Variants in ABI1 observed in about 807,000 individuals in gnomAD.
ABI1 encodes Abelson interactor 1.
In ABI1, 14 loss-of-function variants were observed where a neutral mutation model predicts 54.6. The ratio of observed to expected loss-of-function variants is 0.26; its 90% CI spans 0.17 to 0.40. The LOEUF is 0.40. Among genes scored for constraint, ABI1 ranks in the 10% least tolerant of loss-of-function variants. The pLI is 1.00. For missense variants in ABI1, 443 were observed against 598.3 expected (o/e 0.74, Z 2.71); for synonymous variants, 194 against 209.3 (o/e 0.93, Z 0.63).
chr10:26,773,395 T>C (rs1329293272), intron 3 of ABI1, among the ~76,000 whole-genome samples: 1 of 151,338 alleles, frequency 6.6e-6, no homozygotes, highest in African/African-American at 2.4e-5. Context: ...AGACGGGGTT[T>C]CACCATGTTG....
At chr10:26,809,130 C>T (rs535409192) in intron 2 of ABI1, among the ~76,000 whole-genome samples, 20 of 152,002 alleles carry the variant, frequency 1.3e-4, no homozygotes, top group Admixed American at 2.6e-4. Flanking sequence ...ATTAGCCGAG[C>T]ATGGTGGTGG....
intron 1 of ABI1, among the ~76,000 whole-genome samples, chr10:26,844,791 T>G (rs2049848275): frequency 6.6e-6 from 1 of 152,240 alleles, no homozygotes. Context: ...GTTCTCCTTT[T>G]CCCGCAGCCA....
chr10:26,773,637 A>C (rs1841023912), intron 3 of ABI1, among the ~76,000 whole-genome samples: 1 of 152,190 alleles, frequency 6.6e-6, no homozygotes, highest in Non-Finnish European at 1.5e-5. Context: ...TCAGAAAGCC[A>C]TTAGGCTGAG....
At chr10:26,805,350 T>C in intron 2 of ABI1, among the ~76,000 whole-genome samples, 1 of 151,232 alleles carries the variant, frequency 6.6e-6, no homozygotes, top group Non-Finnish European at 1.5e-5. Flanking sequence ...GAACATGAAA[T>C]TTGGAAGGAG....
At chr10:26,837,018 G>A (rs570479245) in intron 1 of ABI1, among the ~76,000 whole-genome samples, 1 of 152,146 alleles carries the variant, frequency 6.6e-6, no homozygotes, top group Admixed American at 6.5e-5. Flanking sequence ...TTCTAAACTA[G>A]TCCAGTAATT....
chr10:26,770,406 AC>A, intron 4 of ABI1, 61 bp from the exon 5 acceptor site: 1 of 1,421,160 alleles, frequency 7.0e-7, no homozygotes, highest in Non-Finnish European at 9.9e-7. Flanking sequence ...GTGTTTTAAC[AC>A]CATGTATTAT....
intron 2 of ABI1, among the ~76,000 whole-genome samples, chr10:26,805,085 AAC>A (rs1564521517): frequency 6.6e-6 from 1 of 152,210 alleles, no homozygotes; most frequent in Non-Finnish European, 1.5e-5. Flanking sequence ...AGGTAAGACA[AAC>A]ACATAATTGG....
intron 1 of ABI1, among the ~76,000 whole-genome samples, chr10:26,855,999 A>T (rs2050776690): frequency 7.5e-6 from 1 of 133,092 alleles, no homozygotes; most frequent in South Asian, 2.4e-4. Flanking sequence ...AAAGAACCCC[A>T]TTCTGGGCTG....
At chr10:26,847,272 T>C (rs113610758) in intron 1 of ABI1, among the ~76,000 whole-genome samples, 34 of 152,178 alleles carry the variant, frequency 2.2e-4, no homozygotes, top group African/African-American at 8.2e-4. Flanking sequence ...TATGGTATTA[T>C]CTGATTATTC....
intron 2 of ABI1, among the ~76,000 whole-genome samples, chr10:26,818,987 C>T (rs1008392194): frequency 6.6e-5 from 10 of 152,162 alleles, no homozygotes; most frequent in African/African-American, 1.4e-4. Context: ...AGCGAGACTC[C>T]GTCTCAATAA....
intron 2 of ABI1, among the ~76,000 whole-genome samples, chr10:26,791,809 T>C (rs1011508673): frequency 4.6e-5 from 7 of 152,136 alleles, no homozygotes; most frequent in Non-Finnish European, 7.4e-5. Context: ...ACACTGAAAA[T>C]GGATCCCTAC....
chr10:26,807,988 A>T (rs2046982386), intron 2 of ABI1, among the ~76,000 whole-genome samples: 1 of 152,124 alleles, frequency 6.6e-6, no homozygotes, highest in Admixed American at 6.5e-5. Context: ...GCTACTCGGG[A>T]GGCTGGGGCA....
chr10:26,809,622 TA>T (rs1327233622), intron 2 of ABI1, among the ~76,000 whole-genome samples: 4 of 151,886 alleles, frequency 2.6e-5, no homozygotes, highest in Non-Finnish European at 4.4e-5. Flanking sequence ...CATTTTCACA[TA>T]AAAAAGGGGG....
At chr10:26,857,520 G>A (rs1272795598) in intron 1 of ABI1, among the ~76,000 whole-genome samples, 2 of 151,232 alleles carry the variant, frequency 1.3e-5, no homozygotes, top group Non-Finnish European at 2.9e-5. Context: ...GTGCGCACCT[G>A]TAGTCCCAGC....
intron 2 of ABI1, among the ~76,000 whole-genome samples, chr10:26,804,692 C>A (rs1195422068): frequency 6.6e-6 from 1 of 152,148 alleles, no homozygotes; most frequent in Non-Finnish European, 1.5e-5. Flanking sequence ...AAGGTTAGCA[C>A]TATTGTCCAA....
At chr10:26,784,478 G>A (rs1842490553) in intron 2 of ABI1, among the ~76,000 whole-genome samples, 1 of 152,084 alleles carries the variant, frequency 6.6e-6, no homozygotes, top group Non-Finnish European at 1.5e-5. Context: ...CAGCCATCAG[G>A]GAGGCCACAT....
chr10:26,825,548 C>T (rs1464972851), intron 1 of ABI1, among the ~76,000 whole-genome samples: 1 of 152,114 alleles, frequency 6.6e-6, no homozygotes, highest in Non-Finnish European at 1.5e-5. Context: ...GTAATCCCAG[C>T]TACTTGGGAG....
chr10:26,860,872 C>G lies in ABI1; in HGVS notation c.-9G>C. 1 of 1,611,566 alleles carries G rather than the reference C, an allele frequency of 6.2e-7. No individual in the cohort carries two copies. The highest frequency in any genetic ancestry group is 1.1e-5 in the South Asian group (1 of 91,012). ...ATCTGCAGCTCTGCCATTTTCCACC[C>G]CTCTGCATCGCTTCCTCTCGCGTTA... is the stretch of plus-strand genomic sequence containing the variant. On this transcript the variant is annotated 5_prime_UTR_variant, in exon 1 of 11. Coordinates refer to ENST00000376140, the MANE Select transcript of ABI1 (RefSeq NM_001012750.3). The surrounding 1 kb of genome is among the most constrained non-coding windows in gnomAD (Gnocchi z 4.1).
chr10:26,809,869 A>G (rs1485277916), intron 2 of ABI1, among the ~76,000 whole-genome samples: 1 of 152,206 alleles, frequency 6.6e-6, no homozygotes, highest in Non-Finnish European at 1.5e-5. Context: ...TTCCACAAGA[A>G]GAGGGCATGG....
Sources: allele counts gnomAD v4.1 joint callset (sites outside exome capture counted in the v4.1 genomes callset), GRCh38; gene constraint gnomAD v4.1.1; non-coding constraint Gnocchi (gnomAD v3.1); transcripts MANE v1.5; gene names NCBI Gene and HGNC (gene_info 2026-07-23, HGNC 2026-07-21).